The following SPATA16 variants were observed in gnomAD, a reference collection of about 807,000 sequenced individuals.
The protein encoded by SPATA16 is spermatogenesis associated 16, also known as spermatogenesis-associated protein 16.
Under a neutral mutation model 63.3 loss-of-function variants are expected in SPATA16, and 36 were observed. That is an observed-to-expected ratio of 0.57 (90% CI 0.44 to 0.75). The LOEUF (loss-of-function observed/expected upper bound fraction) is 0.75, where lower values mean the gene tolerates loss of function less well. Ranked by LOEUF, SPATA16 falls within the 30% of genes least tolerant of loss-of-function variation. The probability of loss-of-function intolerance (pLI) is 0.00; values close to 1 mark genes in which losing one functional copy is unlikely to be tolerated. For synonymous variants in SPATA16, 203 were observed against 216.7 expected (o/e 0.94, Z 0.56); for missense variants, 646 against 679.3 (o/e 0.95, Z 0.54).
intron 4 of SPATA16, among the ~76,000 whole-genome samples, chr3:172,983,079 GT>G (rs1235225750): frequency 6.6e-6 from 1 of 152,108 alleles, no homozygotes; most frequent in African/African-American, 2.4e-5. Flanking sequence ...AATCTATTCC[GT>G]TTTAAAGACC....
At chr3:173,069,379 A>C (rs1477150075) in intron 2 of SPATA16, among the ~76,000 whole-genome samples, 1 of 152,184 alleles carries the variant, frequency 6.6e-6, no homozygotes, top group East Asian at 1.9e-4. Context: ...AATTGGAAAA[A>C]CTAGAAGAAA....
At chr3:172,980,214 C>A (rs1391157959) in intron 4 of SPATA16, among the ~76,000 whole-genome samples, 1 of 152,164 alleles carries the variant, frequency 6.6e-6, no homozygotes, top group Non-Finnish European at 1.5e-5. Context: ...TTATAAAAGG[C>A]AAGATAATTA....
intron 3 of SPATA16, among the ~76,000 whole-genome samples, chr3:173,028,013 C>CCCTCCCTCCCTCCCTCCCTT (rs1560100953): frequency 2.9e-5 from 1 of 35,038 alleles, no homozygotes; most frequent in East Asian, 9.6e-4. Flanking sequence ...CTCCCTCCCT[C>CCCTCCCTCCCTCCCTCCCTT]CCTTCCTTCT....
chr3:173,135,799 A>G (rs1236644669), intron 1 of SPATA16, among the ~76,000 whole-genome samples: 1 of 152,194 alleles, frequency 6.6e-6, no homozygotes, highest in Non-Finnish European at 1.5e-5. Flanking sequence ...AGTAACTCGA[A>G]TGGAACAGGG....
chr3:173,130,982 G>A (rs1738369005), intron 1 of SPATA16, among the ~76,000 whole-genome samples: 1 of 152,170 alleles, frequency 6.6e-6, no homozygotes, highest in Non-Finnish European at 1.5e-5. Flanking sequence ...TGTCAAAATA[G>A]TTTAGAAATA....
chr3:172,890,059 T>C (rs1472407809), intron 10 of SPATA16, among the ~76,000 whole-genome samples: 1 of 152,170 alleles, frequency 6.6e-6, no homozygotes, highest in African/African-American at 2.4e-5. Context: ...ATCTCCTTTA[T>C]CAACAATAAG....
At chr3:172,918,488 C>A (rs1732547157) in intron 8 of SPATA16, among the ~76,000 whole-genome samples, 2 of 152,024 alleles carry the variant, frequency 1.3e-5, no homozygotes, top group Admixed American at 1.3e-4. Flanking sequence ...CCTCCTCCCC[C>A]CGAAGCCAAA....
intron 4 of SPATA16, among the ~76,000 whole-genome samples, chr3:172,981,649 AC>A (rs1734322557): frequency 6.6e-6 from 1 of 152,252 alleles, no homozygotes; most frequent in Admixed American, 6.5e-5. Context: ...AGTGAGAACT[AC>A]CCTGACCAGA....
At chr3:173,103,831 G>A (rs113401900) in intron 2 of SPATA16, among the ~76,000 whole-genome samples, 1,801 of 152,276 alleles carry the variant, frequency 0.012, 41 homozygotes, top group African/African-American at 0.041. Flanking sequence ...TTCCTTTCCT[G>A]ACAATGCTTT....
At chr3:172,904,526 A>G (rs1161846374) in intron 10 of SPATA16, among the ~76,000 whole-genome samples, 1 of 152,222 alleles carries the variant, frequency 6.6e-6, no homozygotes, top group East Asian at 1.9e-4. Context: ...CTGCCAAATC[A>G]TCAAAGTTTT....
Position 173,055,295 on chromosome 3 carries a change from C to T in SPATA16, c.613-6201G>A, listed in dbSNP as rs868697061. Among the ~76,000 whole-genome samples the T allele has an allele frequency of 7.2e-5, 11 of 152,306 alleles. No individual in the cohort carries two copies. The South Asian group carries it at 8.3e-4, about 11-fold the overall frequency. ...CACTCCTGGACACTTACTCCAGAGA[C>T]ATTCTTATATTCACACAAAAATCTG... On this transcript the variant is annotated intron_variant, in intron 2 of 10. Transcript: ENST00000351008.
intron 2 of SPATA16, among the ~76,000 whole-genome samples, chr3:173,115,403 A>C (rs1465421267): frequency 6.6e-6 from 1 of 152,232 alleles, no homozygotes; most frequent in African/African-American, 2.4e-5. Context: ...TGGCCCTGGC[A>C]GAATGGCCTG....
intron 6 of SPATA16, among the ~76,000 whole-genome samples, chr3:172,951,380 C>T (rs1392453904): frequency 6.6e-6 from 1 of 151,834 alleles, no homozygotes; most frequent in East Asian, 1.9e-4. Flanking sequence ...CCTCATCAGT[C>T]TCATAGAAAT....
chr3:173,053,863 A>G (rs1234024527), intron 2 of SPATA16, among the ~76,000 whole-genome samples: 1 of 152,166 alleles, frequency 6.6e-6, no homozygotes, highest in Non-Finnish European at 1.5e-5. Flanking sequence ...TTTGGAAATT[A>G]TAAAAAAATC....
At chr3:173,071,658 CAT>C (rs1383594124) in intron 2 of SPATA16, among the ~76,000 whole-genome samples, 1 of 152,074 alleles carries the variant, frequency 6.6e-6, no homozygotes, top group Admixed American at 6.5e-5. Flanking sequence ...AGATCTGAGA[CAT>C]ATTTCAAAAG....
chr3:173,081,106 A>G (rs1022016390), intron 2 of SPATA16, among the ~76,000 whole-genome samples: 3 of 152,322 alleles, frequency 2.0e-5, no homozygotes, highest in East Asian at 1.9e-4. Flanking sequence ...TCAAAATATC[A>G]AAATCTTATC....
intron 3 of SPATA16, 50 bp from the exon 4 acceptor site, chr3:173,019,625 A>G (rs763573297): frequency 6.6e-7 from 1 of 1,517,462 alleles, no homozygotes; most frequent in Non-Finnish European, 9.1e-7. Context: ...TTAAAAGACA[A>G]TTACCACAAG....
chr3:173,052,162 G>T (rs1235996622), intron 2 of SPATA16, among the ~76,000 whole-genome samples: 1 of 152,158 alleles, frequency 6.6e-6, no homozygotes, highest in Non-Finnish European at 1.5e-5. Flanking sequence ...TAGTTTCCAT[G>T]AGGACATTCA....
intron 3 of SPATA16, among the ~76,000 whole-genome samples, chr3:173,037,145 G>C (rs919983969): frequency 5.9e-5 from 9 of 152,118 alleles, no homozygotes; most frequent in Admixed American, 5.9e-4. Context: ...GTAACTACAA[G>C]AATGAAGATG....
Sources: gnomAD v4.1 joint callset for allele counts (sites outside exome capture counted in the v4.1 genomes callset) on GRCh38, gnomAD v4.1.1 for gene constraint, MANE v1.5 for transcripts, NCBI Gene and HGNC (gene_info 2026-07-23, HGNC 2026-07-21) for gene names.